TUSC3: variants seen among roughly 807,000 people sequenced by gnomAD.
TUSC3 encodes the protein tumor suppressor candidate 3.
In TUSC3, 45 loss-of-function variants were observed where a neutral mutation model predicts 44.8. The ratio of observed to expected loss-of-function variants is 1.00; its 90% CI spans 0.79 to 1.29. The LOEUF (loss-of-function observed/expected upper bound fraction) is 1.29, where lower values mean the gene tolerates loss of function less well. Ranked by LOEUF, TUSC3 falls within the 50% of genes most tolerant of loss-of-function variation. The probability of loss-of-function intolerance (pLI) is 0.00; values close to 1 mark genes in which losing one functional copy is unlikely to be tolerated. For synonymous variants in TUSC3, 212 were observed against 152.9 expected, an observed-to-expected ratio of 1.39 and a Z score of -2.85; for missense variants, 519 against 437.9, an observed-to-expected ratio of 1.19 and a Z score of -1.65.
chr8:15,813,184 T>A, the TUSC3 span, among the ~76,000 whole-genome samples: 1 of 152,172 alleles, frequency 6.6e-6, no homozygotes, highest in African/African-American at 2.4e-5. Context: ...ACATTTTATA[T>A]TTGCTGGAGA....
At chr8:15,567,638 G>A (rs1461635516) in intron 1 of TUSC3, among the ~76,000 whole-genome samples, 4 of 152,106 alleles carry the variant, frequency 2.6e-5, no homozygotes, top group Admixed American at 6.6e-5. Flanking sequence ...TTGCAGTCAA[G>A]CATGAGAGTG....
At chr8:15,553,936 G>C (rs1349701986) in intron 1 of TUSC3, among the ~76,000 whole-genome samples, 3 of 151,730 alleles carry the variant, frequency 2.0e-5, no homozygotes, top group Admixed American at 1.3e-4. Flanking sequence ...GCATATGGTA[G>C]TGTCAGGCTG....
chr8:15,583,179 C>A (rs531748584), intron 1 of TUSC3, among the ~76,000 whole-genome samples: 1 of 152,162 alleles, frequency 6.6e-6, no homozygotes, highest in Non-Finnish European at 1.5e-5. Flanking sequence ...GATTTTATGT[C>A]GTCAAAATGA....
intron 1 of TUSC3, among the ~76,000 whole-genome samples, chr8:15,453,663 G>A (rs968803089): frequency 6.6e-6 from 1 of 152,134 alleles, no homozygotes; most frequent in African/African-American, 2.4e-5. Flanking sequence ...TATATTTATG[G>A]AATATTTTAC....
intron 2 of TUSC3, among the ~76,000 whole-genome samples, chr8:15,533,026 T>C (rs1388903538): frequency 1.3e-5 from 2 of 152,174 alleles, no homozygotes; most frequent in Non-Finnish European, 2.9e-5. Context: ...CTCCTGACCT[T>C]GGTGTTCCCC....
intron 1 of TUSC3, among the ~76,000 whole-genome samples, chr8:15,549,198 G>A (rs1030257469): frequency 2.0e-5 from 3 of 151,468 alleles, no homozygotes; most frequent in East Asian, 2.0e-4. Context: ...TTTTTGAGAC[G>A]GAGTCTTGCT....
chr8:15,700,310 C>T (rs1425302808), intron 6 of TUSC3, among the ~76,000 whole-genome samples: 2 of 152,020 alleles, frequency 1.3e-5, no homozygotes, highest in Non-Finnish European at 2.9e-5. Context: ...GGGGGTGTAA[C>T]AGTATTCTGG....
chr8:15,650,231 G>C (rs1157547846), intron 2 of TUSC3, among the ~76,000 whole-genome samples: 1 of 152,074 alleles, frequency 6.6e-6, no homozygotes, highest in East Asian at 1.9e-4. Flanking sequence ...TATTAATTTT[G>C]TTTTTCTGTT....
chr8:15,715,778 A>T (rs769726582), intron 6 of TUSC3, among the ~76,000 whole-genome samples: 1 of 152,154 alleles, frequency 6.6e-6, no homozygotes, highest in Non-Finnish European at 1.5e-5. Context: ...CATAAATGCA[A>T]AACTCGTGGG....
intron 3 of TUSC3, among the ~76,000 whole-genome samples, chr8:15,655,418 A>G (rs771556170): frequency 9.9e-5 from 15 of 152,210 alleles, no homozygotes; most frequent in Non-Finnish European, 2.1e-4. Context: ...GCCCCTCCCA[A>G]GTGCTGGCAA....
intron 2 of TUSC3, among the ~76,000 whole-genome samples, chr8:15,506,238 C>T (rs1801048218): frequency 6.6e-6 from 1 of 152,134 alleles, no homozygotes; most frequent in Non-Finnish European, 1.5e-5. Flanking sequence ...CTGAGCTTCC[C>T]CTGCCCTCCT....
chr8:15,434,035 C>T (rs901599611), intron 1 of TUSC3, among the ~76,000 whole-genome samples: 1 of 152,122 alleles, frequency 6.6e-6, no homozygotes, highest in African/African-American at 2.4e-5. Flanking sequence ...AGAAACTAAA[C>T]AGTTCCTCAA....
chr8:15,783,569 AAGTTATCT>A, the TUSC3 span, among the ~76,000 whole-genome samples: 1 of 152,182 alleles, frequency 6.6e-6, no homozygotes, highest in African/African-American at 2.4e-5. Context: ...AAAAAAACCC[AAGTTATCT>A]ATGGTCAATT....
chr8:15,494,324 T>TC (rs1800850271), intron 2 of TUSC3, among the ~76,000 whole-genome samples: 1 of 150,224 alleles, frequency 6.7e-6, no homozygotes, highest in African/African-American at 2.4e-5. Flanking sequence ...CATCTTCTTT[T>TC]TTTTTTTTTT....
chr8:15,518,927 G>A (rs1269684202), intron 2 of TUSC3, among the ~76,000 whole-genome samples: 1 of 152,124 alleles, frequency 6.6e-6, no homozygotes, highest in East Asian at 1.9e-4. Context: ...AAAATGTTCA[G>A]TGAACTTTGC....
chr8:15,549,457 C>T (rs1292019747), intron 1 of TUSC3, among the ~76,000 whole-genome samples: 1 of 151,776 alleles, frequency 6.6e-6, no homozygotes, highest in East Asian at 1.9e-4. Context: ...CAGGCGTGAG[C>T]CACCATGCTC....
chr8:15,698,352 A>G lies in TUSC3; in HGVS notation c.798+24516A>G, dbSNP rs75026220. ...AAACTCTGTAAGTTAGGACTTTACA[A>G]TTTCTTTCAGTAAACTTATGAAAAC... On this transcript the variant is annotated intron_variant, in intron 6 of 10. Coordinates refer to ENST00000503731, the MANE Select transcript of TUSC3 (RefSeq NM_006765.4). 3.4e-3 allele frequency among the ~76,000 whole-genome samples: 513 copies of G among 152,340 alleles called. 8 individuals are homozygous for G. The East Asian group carries it at 0.035, about 10-fold the overall frequency.
intron 1 of TUSC3, among the ~76,000 whole-genome samples, chr8:15,476,577 CA>C (rs1421547268): frequency 6.6e-6 from 1 of 152,084 alleles, no homozygotes; most frequent in Non-Finnish European, 1.5e-5. Context: ...ATTCTGTTAC[CA>C]GGGGTGGGTG....
chr8:15,594,067 C>T (rs941008432), intron 1 of TUSC3, among the ~76,000 whole-genome samples: 1 of 152,060 alleles, frequency 6.6e-6, no homozygotes, highest in Non-Finnish European at 1.5e-5. Flanking sequence ...ACTTGTATAC[C>T]CTTTCTCCCA....
Sources: allele counts gnomAD v4.1 joint callset (sites outside exome capture counted in the v4.1 genomes callset), GRCh38; gene constraint gnomAD v4.1.1; transcripts MANE v1.5; gene names NCBI Gene and HGNC (gene_info 2026-07-23, HGNC 2026-07-21).